BCKDHB: variants seen among roughly 807,000 people sequenced by gnomAD.
BCKDHB encodes 2-oxoisovalerate dehydrogenase subunit beta, mitochondrial.
A neutral mutation model predicts 48.5 loss-of-function variants in BCKDHB; 41 were observed. The ratio of observed to expected loss-of-function variants is 0.85; its 90% confidence interval spans 0.66 to 1.10. BCKDHB has a LOEUF of 1.10. Ranked by LOEUF, BCKDHB falls within the 50% of genes least tolerant of loss-of-function variation. BCKDHB has a pLI of 0.00. For missense variants in BCKDHB, 496 were observed against 494.2 expected (o/e 1.00, Z -0.03); for synonymous variants, 201 against 174.8 (o/e 1.15, Z -1.18).
chr6:80,353,393 T>C, the BCKDHB span, among the ~76,000 whole-genome samples: 7 of 152,252 alleles, frequency 4.6e-5, no homozygotes, highest in East Asian at 1.3e-3. Flanking sequence ...TTTGCATAGA[T>C]ATCCAGTAGT....
chr6:80,305,829 C>A (rs1240097893), intron 9 of BCKDHB, among the ~76,000 whole-genome samples: 1 of 152,118 alleles, frequency 6.6e-6, no homozygotes, highest in Non-Finnish European at 1.5e-5. Context: ...CTAGGATGTT[C>A]CTCCTATCTT....
At chr6:80,398,328 A>G in the BCKDHB span, among the ~76,000 whole-genome samples, 1 of 152,164 alleles carries the variant, frequency 6.6e-6, no homozygotes, top group Non-Finnish European at 1.5e-5. Flanking sequence ...ATAGACTGCT[A>G]GCTAGACTAC....
At chr6:80,216,653 C>T (rs1005966895) in intron 8 of BCKDHB, among the ~76,000 whole-genome samples, 1 of 152,180 alleles carries the variant, frequency 6.6e-6, no homozygotes, top group Non-Finnish European at 1.5e-5. Context: ...TCCGTTACCT[C>T]ATTTCATAAT....
chr6:80,405,386 T>C, the BCKDHB span, among the ~76,000 whole-genome samples: 1 of 152,182 alleles, frequency 6.6e-6, no homozygotes, highest in Non-Finnish European at 1.5e-5. Flanking sequence ...TGATTTACTA[T>C]CTTTATTCAT....
chr6:80,143,834 A>C (rs1021844906), intron 3 of BCKDHB, among the ~76,000 whole-genome samples: 1 of 152,154 alleles, frequency 6.6e-6, no homozygotes. Context: ...ATCATAAATT[A>C]GTCAGAGGAT....
intron 8 of BCKDHB, among the ~76,000 whole-genome samples, chr6:80,224,272 A>G (rs1052733612): frequency 1.3e-5 from 2 of 152,172 alleles, no homozygotes; most frequent in East Asian, 1.9e-4. Flanking sequence ...TCTATCATGT[A>G]TAATAAACTG....
At position 80,239,657 on chromosome 6, in the gene BCKDHB, T is replaced by G. The variant is rs552457742; in HGVS notation, c.952-33478T>G. Among the ~76,000 whole-genome samples, 30 of 152,336 alleles carry G rather than the reference T, an allele frequency of 2.0e-4. No homozygotes were observed. The South Asian group carries it at 6.2e-3, about 32-fold the overall frequency. ...TTTTGTTACCATTGCTTTTGGTGTTTTAGTCATGAAGTCCTTGCCCATGCC... is the reference window on the plus strand; with the variant it reads ...TTTTGTTACCATTGCTTTTGGTGTTGTAGTCATGAAGTCCTTGCCCATGCC... On this transcript the variant is annotated intron_variant, in intron 8 of 9. Coordinates refer to ENST00000320393, the MANE Select transcript of BCKDHB (RefSeq NM_183050.4).
chr6:80,134,129 T>G (rs1326667560), intron 3 of BCKDHB, among the ~76,000 whole-genome samples: 1 of 152,192 alleles, frequency 6.6e-6, no homozygotes, highest in East Asian at 1.9e-4. Context: ...TATACTGATA[T>G]AACTTGCCTG....
At chr6:80,338,640 C>G (rs1769724238) in intron 9 of BCKDHB, among the ~76,000 whole-genome samples, 1 of 152,170 alleles carries the variant, frequency 6.6e-6, no homozygotes, top group Non-Finnish European at 1.5e-5. Context: ...TTTGACCGTT[C>G]TGTGTACCTG....
chr6:80,379,624 G>T, the BCKDHB span, among the ~76,000 whole-genome samples: 4 of 151,926 alleles, frequency 2.6e-5, no homozygotes, highest in African/African-American at 9.7e-5. Context: ...AGAAATAAAA[G>T]ACATTCAAAT....
intron 8 of BCKDHB, among the ~76,000 whole-genome samples, chr6:80,204,868 A>G (rs989703224): frequency 5.3e-5 from 8 of 152,054 alleles, no homozygotes; most frequent in Non-Finnish European, 8.8e-5. Context: ...TGTTGGTCGC[A>G]TCTTTGTCTG....
chr6:80,212,390 C>G (rs911685100), intron 8 of BCKDHB, among the ~76,000 whole-genome samples: 1 of 152,094 alleles, frequency 6.6e-6, no homozygotes, highest in Non-Finnish European at 1.5e-5. Context: ...CGATATCTCT[C>G]CTACTTGCAT....
the BCKDHB span, among the ~76,000 whole-genome samples, chr6:80,365,082 A>G: frequency 6.6e-6 from 1 of 151,910 alleles, no homozygotes; most frequent in African/African-American, 2.4e-5. Context: ...CAAAAAGCAG[A>G]ACTACTAATA....
At chr6:80,246,525 A>G (rs1051788500) in intron 8 of BCKDHB, among the ~76,000 whole-genome samples, 2 of 152,172 alleles carry the variant, frequency 1.3e-5, no homozygotes, top group African/African-American at 4.8e-5. Context: ...AAAGCCCTCC[A>G]GACCTCCTTT....
At chr6:80,312,588 G>T (rs142159104) in intron 9 of BCKDHB, among the ~76,000 whole-genome samples, 1 of 152,018 alleles carries the variant, frequency 6.6e-6, no homozygotes, top group African/African-American at 2.4e-5. Context: ...GCTCTTAGTA[G>T]CTAGAGGTAT....
At chr6:80,155,612 G>A (rs771332695) in intron 3 of BCKDHB, among the ~76,000 whole-genome samples, 4 of 152,030 alleles carry the variant, frequency 2.6e-5, no homozygotes, top group African/African-American at 9.7e-5. Flanking sequence ...CCCAACCATA[G>A]TTTTTACAGA....
At chr6:80,347,450 T>C (rs1770263985), downstream of BCKDHB, among the ~76,000 whole-genome samples, 2 of 152,188 alleles carry the variant, frequency 1.3e-5, no homozygotes, top group South Asian at 4.1e-4. Context: ...ACTGACATGG[T>C]CAGTCCAGCA....
rs202229021 is a variant in BCKDHB at position 80,264,404 on chromosome 6, A to T, written c.952-8731A>T. Among the ~76,000 whole-genome samples the T allele has an allele frequency of 5.9e-5, 9 of 152,286 alleles. No individual in the cohort carries two copies. The East Asian group carries it at 1.5e-3, about 26-fold the overall frequency. Reference sequence around the variant, plus strand: ...ACTAATATAATGTTCAAATTTTCTTATTTGGCATTATTTATCTCCTAATTA... The same window carrying T: ...ACTAATATAATGTTCAAATTTTCTTTTTTGGCATTATTTATCTCCTAATTA... On this transcript the variant is annotated intron_variant, in intron 8 of 9. Coordinates refer to ENST00000320393, the MANE Select transcript of BCKDHB (RefSeq NM_183050.4).
rs145733867 is a variant in BCKDHB at position 80,220,649 on chromosome 6, G to A, written c.951+17437G>A. ...GCAAATGGGATACTCTTGATTCTTG[G>A]ACATCAGTGCTCATAGGATAAGCCT... On this transcript the variant is annotated intron_variant, in intron 8 of 9. Coordinates refer to ENST00000320393, the MANE Select transcript of BCKDHB (RefSeq NM_183050.4). 2.0e-5 allele frequency among the ~76,000 whole-genome samples: 3 copies of A among 151,700 alleles called. No homozygotes were observed. In the South Asian group the frequency reaches 6.2e-4, roughly 31 times the overall value.
Sources: allele counts gnomAD v4.1 joint callset (sites outside exome capture counted in the v4.1 genomes callset), GRCh38; gene constraint gnomAD v4.1.1; transcripts MANE v1.5; gene names NCBI Gene and HGNC (gene_info 2026-07-23, HGNC 2026-07-21).